TECTA: variants seen among roughly 807,000 people sequenced by gnomAD.
TECTA encodes alpha-tectorin.
A neutral mutation model predicts 216.8 loss-of-function variants in TECTA; 128 were observed. The observed-to-expected ratio is 0.59, with a 90% confidence interval of 0.51 to 0.68. The LOEUF is 0.68. Among genes scored for constraint, TECTA ranks in the 30% least tolerant of loss-of-function variants. TECTA has a pLI of 0.00. For missense variants in TECTA, 2,551 were observed against 2,786.2 expected, an observed-to-expected ratio of 0.92 and a Z score of 1.90; for synonymous variants, 1,089 against 1,117.1, an observed-to-expected ratio of 0.97 and a Z score of 0.50.
chr11:121,138,452 T>C (rs761696061), intron 11 of TECTA, among the ~76,000 whole-genome samples: 1 of 152,202 alleles, frequency 6.6e-6, no homozygotes, highest in Non-Finnish European at 1.5e-5. Flanking sequence ...ATTGTCCTTG[T>C]CCACCCACTT....
chr11:121,142,530 C>G (rs554287867), intron 11 of TECTA, among the ~76,000 whole-genome samples: 1 of 152,316 alleles, frequency 6.6e-6, no homozygotes, highest in East Asian at 1.9e-4. Flanking sequence ...TTAGCTTCAT[C>G]CAATTATATT....
intron 11 of TECTA, among the ~76,000 whole-genome samples, chr11:121,141,904 G>C (rs1946788218): frequency 6.6e-6 from 1 of 152,206 alleles, no homozygotes; most frequent in African/African-American, 2.4e-5. Flanking sequence ...AACATGAAGT[G>C]CTGCAAAAAT....
chr11:121,158,286 T>G, intron 14 of TECTA, 62 bp downstream of exon 14: 1 of 1,597,878 alleles, frequency 6.3e-7, no homozygotes, highest in Non-Finnish European at 8.5e-7. Flanking sequence ...GCTAGGGGAC[T>G]GTGTAGGGTT....
intron 20 of TECTA, among the ~76,000 whole-genome samples, chr11:121,175,766 T>G (rs561950530): frequency 1.5e-4 from 23 of 152,314 alleles, no homozygotes; most frequent in African/African-American, 5.5e-4. Context: ...TCTGTCTCGT[T>G]GATCTGTCTA....
Position 121,166,604 on chromosome 11 carries a change from G to T in TECTA, c.5410G>T (p.Val1804Leu). ...CTCACATGACATTATCGATGCAGAGGTGACCTGCAAAGCAGCCCAAATGGA... is the reference window on the plus strand; with the variant it reads ...CTCACATGACATTATCGATGCAGAGTTGACCTGCAAAGCAGCCCAAATGGA... ...NNSHDIIDAE[V>L]TCKAAQMEVS... The change falls in exon 18 of 24, where the codon GTG becomes TTG. Residue 1804 changes from valine (V) to leucine (L), a missense_variant. Val to Leu is a conservative substitution (Grantham distance 32, BLOSUM62 1). Transcript: ENST00000392793. The T allele has an allele frequency of 1.2e-6, 2 of 1,614,204 alleles. No individual in the cohort carries two copies. Among genetic ancestry groups the T allele is most frequent in the Non-Finnish European group, 1.7e-6 (2 of 1,180,046 alleles).
At position 121,189,771 on chromosome 11, in the gene TECTA, C is replaced by G; in HGVS notation, c.6258C>G (p.Asp2086Glu). The change falls in exon 23 of 24, where the codon GAC (aspartate) becomes GAG (glutamate). Residue 2086 changes from aspartate (D) to glutamate (E), a missense_variant. Around this residue, in one of 3 missense-constraint regions of TECTA, gnomAD observed 118 missense variants for 116.4 expected, o/e 1.01. Transcript: ENST00000392793. ...CTAACTGCTCTTTTGTAGGGCTGGA[C>G]TGGTGTGAGGACAATGGAGGGTGTG... ...SVGPIRRKRL[D>E]WCEDNGGCEQ... is the part of the protein sequence containing the mutation. 6.2e-7 allele frequency: 1 copy of G among 1,613,866 alleles called. No homozygotes were observed. The highest frequency in any genetic ancestry group is 8.5e-7 in the Non-Finnish European group (1 of 1,179,880).
At chr11:121,172,918 T>C (rs1190427786) in intron 20 of TECTA, among the ~76,000 whole-genome samples, 2 of 149,792 alleles carry the variant, frequency 1.3e-5, no homozygotes, top group African/African-American at 2.5e-5. Context: ...GTGGTTTTGA[T>C]TTGCATTTCT....
In TECTA at chr11:121,191,174, G is replaced by GT. The variant is rs1947336741; in HGVS notation, c.*374dup. The GT allele has an allele frequency of 1.9e-5, 6 of 315,000 alleles. No homozygotes were observed. The highest frequency in any genetic ancestry group is 5.9e-5 in the South Asian group (2 of 33,832). 19.5% of individuals were successfully genotyped at this position (315,000 alleles called of 1,614,324 possible). On this transcript the variant is annotated 3_prime_UTR_variant, in exon 24 of 24. Transcript: ENST00000392793. Reference sequence around the variant, plus strand: ...AAGCCAGTGCTATTTCTGGATCACAGTTTTTTACAGAGAGAGGGCCTGTTG... The same window carrying GT: ...AAGCCAGTGCTATTTCTGGATCACAGTTTTTTTACAGAGAGAGGGCCTGTTG...
At chr11:121,126,295 T>C (rs1206525724) in intron 8 of TECTA, among the ~76,000 whole-genome samples, 3 of 152,258 alleles carry the variant, frequency 2.0e-5, no homozygotes, top group African/African-American at 7.2e-5. Flanking sequence ...CAATTGTTCC[T>C]GGCACTTTCT....
chr11:121,164,509 G>C (rs189263885), intron 16 of TECTA, among the ~76,000 whole-genome samples: 3 of 152,112 alleles, frequency 2.0e-5, no homozygotes, highest in African/African-American at 7.2e-5. Context: ...TCAGACCGAG[G>C]CGTTGACTAT....
rs182508731 is a variant in TECTA, at chr11:121,102,021, A to G, written c.-2+579A>G. Among the ~76,000 whole-genome samples the G allele has an allele frequency of 6.6e-5, 10 of 152,256 alleles. No homozygotes were observed. In the East Asian group the frequency reaches 1.9e-3, roughly 29 times the overall value. On this transcript the variant is annotated intron_variant, in intron 1 of 23. Transcript: ENST00000392793. ...GGATTCTATTTTTATTGTGATTCCA[A>G]CTCTGGATTGGTCCTTTTTTATTAC...
intron 11 of TECTA, among the ~76,000 whole-genome samples, chr11:121,141,982 G>A (rs1946789008): frequency 6.6e-6 from 1 of 152,180 alleles, no homozygotes; most frequent in Admixed American, 6.5e-5. Flanking sequence ...ACCTTAGGGA[G>A]AGCTTCCTGG....
chr11:121,137,847 C>G lies in TECTA; in HGVS notation c.3368C>G (p.Pro1123Arg). ...GFPFDFQTSC[P>R]LILCTTGSRP... ...CCCTTTGACTTCCAGACCAGCTGCC[C>G]ACTCATCCTGTGCACCACAGGAAGC... The change falls in exon 11 of 24, where the codon CCA (proline) becomes CGA (arginine). Residue 1123 changes from proline (P) to arginine (R), a missense_variant. Coordinates refer to ENST00000392793, the MANE Select transcript of TECTA (RefSeq NM_005422.4). 6.2e-7 allele frequency: 1 copy of G among 1,609,050 alleles called. No individual in the cohort carries two copies. The highest frequency in any genetic ancestry group is 8.5e-7 in the Non-Finnish European group (1 of 1,175,954).
intron 4 of TECTA, among the ~76,000 whole-genome samples, chr11:121,111,537 G>A (rs965400099): frequency 6.6e-6 from 1 of 152,218 alleles, no homozygotes; most frequent in African/African-American, 2.4e-5. Context: ...CCTCTGGGGT[G>A]TCACTGGTAT....
intron 20 of TECTA, among the ~76,000 whole-genome samples, chr11:121,177,617 G>T (rs965643021): frequency 1.3e-5 from 2 of 152,196 alleles, no homozygotes; most frequent in Non-Finnish European, 2.9e-5. Flanking sequence ...GGCTGCTCGG[G>T]GGTCAGGGGT....
At chr11:121,124,348 G>T (rs1165668494) in intron 7 of TECTA, among the ~76,000 whole-genome samples, 1 of 152,134 alleles carries the variant, frequency 6.6e-6, no homozygotes, top group East Asian at 1.9e-4. Flanking sequence ...CTGTAGTCCA[G>T]TAACACCTCA....
intron 10 of TECTA, among the ~76,000 whole-genome samples, chr11:121,131,881 C>G (rs78960072): frequency 0.014 from 2,208 of 152,280 alleles, 56 homozygotes; most frequent in African/African-American, 0.05. Context: ...TGCGTCTTCT[C>G]AATGTGTCAT....
chr11:121,107,014 T>A (rs576393480), intron 3 of TECTA, among the ~76,000 whole-genome samples: 73 of 152,320 alleles, frequency 4.8e-4, no homozygotes, highest in Non-Finnish European at 8.4e-4. Context: ...TAGGATATAA[T>A]CAAGACACAC....
At chr11:121,147,531 G>A (rs1946850049) in intron 12 of TECTA, among the ~76,000 whole-genome samples, 1 of 145,778 alleles carries the variant, frequency 6.9e-6, no homozygotes, top group Non-Finnish European at 1.5e-5. Context: ...GGCCTCTAAT[G>A]ACTTCAATAA....
Sources: allele counts gnomAD v4.1 joint callset (sites outside exome capture counted in the v4.1 genomes callset), GRCh38; gene constraint gnomAD v4.1.1; regional missense constraint gnomAD v4.1.1; transcripts MANE v1.5; gene names NCBI Gene and HGNC (gene_info 2026-07-23, HGNC 2026-07-21).